Variants in TMEM217B observed in about 807,000 individuals in gnomAD.
The protein encoded by TMEM217B is transmembrane protein 217B.
At chr6:37,218,866 G>A in the TMEM217B span, 4 of 1,614,180 alleles carry the variant, frequency 2.5e-6, no homozygotes, top group South Asian at 4.4e-5. Context: ...AGTTATTTAT[G>A]ATGTTACTTG....
the TMEM217B span, chr6:37,212,681 C>T: frequency 6.0e-5 from 36 of 603,550 alleles, no homozygotes; most frequent in East Asian, 6.4e-4. Context: ...TTGATGAGCT[C>T]GTAAGTGATG....
chr6:37,222,675 C>T, the TMEM217B span, among the ~76,000 whole-genome samples: 19 of 152,180 alleles, frequency 1.2e-4, no homozygotes, highest in African/African-American at 4.6e-4. Context: ...AGGGAGGCTT[C>T]GATGCACAGC....
At chr6:37,254,556 C>G in the TMEM217B span, among the ~76,000 whole-genome samples, 1 of 152,214 alleles carries the variant, frequency 6.6e-6, no homozygotes, top group South Asian at 2.1e-4. Context: ...GATGTAGAGT[C>G]ATTGGTAAAG....
chr6:37,214,964 T>C, the TMEM217B span, among the ~76,000 whole-genome samples: 2 of 152,226 alleles, frequency 1.3e-5, no homozygotes, highest in African/African-American at 4.8e-5. Flanking sequence ...GGTACTCACC[T>C]GAATTGTCTA....
chr6:37,248,821 C>T, the TMEM217B span, among the ~76,000 whole-genome samples: 46 of 152,304 alleles, frequency 3.0e-4, no homozygotes, highest in African/African-American at 1.0e-3. Flanking sequence ...TTCTCTGCAA[C>T]AAATAACAAC....
the TMEM217B span, among the ~76,000 whole-genome samples, chr6:37,250,215 G>A: frequency 1.3e-5 from 2 of 151,942 alleles, no homozygotes; most frequent in Non-Finnish European, 1.5e-5. Flanking sequence ...TAAAAACAAG[G>A]GAATTATTAA....
the TMEM217B span, among the ~76,000 whole-genome samples, chr6:37,253,254 T>C: frequency 6.6e-6 from 1 of 152,214 alleles, no homozygotes; most frequent in Non-Finnish European, 1.5e-5. Flanking sequence ...CATGTTTAAA[T>C]CTTCATATTC....
At chr6:37,253,640 C>T in the TMEM217B span, among the ~76,000 whole-genome samples, 3 of 152,274 alleles carry the variant, frequency 2.0e-5, no homozygotes, top group Admixed American at 2.0e-4. Flanking sequence ...GCTTCTTGCT[C>T]TCATTTCTTA....
the TMEM217B span, among the ~76,000 whole-genome samples, chr6:37,230,490 A>G: frequency 1.3e-5 from 2 of 152,192 alleles, no homozygotes; most frequent in Non-Finnish European, 2.9e-5. Context: ...AATTAAGTTA[A>G]AATTAGGTCA....
At chr6:37,218,072 A>G in the TMEM217B span, 1 of 1,005,968 alleles carries the variant, frequency 9.9e-7, no homozygotes, top group Non-Finnish European at 1.2e-6. Flanking sequence ...GGGGGGAAAA[A>G]AGGAAATAGA....
chr6:37,237,518 TA>T, the TMEM217B span, among the ~76,000 whole-genome samples: 1 of 152,160 alleles, frequency 6.6e-6, no homozygotes, highest in Non-Finnish European at 1.5e-5. Flanking sequence ...ATGCAGACAT[TA>T]AAAAGGATAT....
At chr6:37,213,811 T>A in the TMEM217B span, among the ~76,000 whole-genome samples, 1 of 152,224 alleles carries the variant, frequency 6.6e-6, no homozygotes, top group South Asian at 2.1e-4. Flanking sequence ...ATCTTCTTCT[T>A]ACTGGCTCCC....
At chr6:37,229,161 T>G in the TMEM217B span, among the ~76,000 whole-genome samples, 1 of 151,896 alleles carries the variant, frequency 6.6e-6, no homozygotes, top group African/African-American at 2.4e-5. Context: ...GGGAGGTGTA[T>G]TTGTATTATT....
At chr6:37,215,405 T>C in the TMEM217B span, 3 of 1,209,590 alleles carry the variant, frequency 2.5e-6, no homozygotes, top group African/African-American at 1.6e-5. Context: ...TGAAACCCCA[T>C]CTCTACTAAA....
At chr6:37,236,957 T>C in the TMEM217B span, among the ~76,000 whole-genome samples, 1 of 152,220 alleles carries the variant, frequency 6.6e-6, no homozygotes, top group Non-Finnish European at 1.5e-5. Flanking sequence ...CCATGGTCTC[T>C]CTGTGTGGGC....
the TMEM217B span, among the ~76,000 whole-genome samples, chr6:37,214,965 G>GAATTGTCT: frequency 1.3e-5 from 2 of 152,134 alleles, no homozygotes; most frequent in African/African-American, 4.8e-5. Flanking sequence ...GTACTCACCT[G>GAATTGTCT]AATTGTCTAA....
the TMEM217B span, among the ~76,000 whole-genome samples, chr6:37,241,153 T>C: frequency 1.3e-5 from 2 of 150,318 alleles, no homozygotes; most frequent in African/African-American, 2.5e-5. Flanking sequence ...GGCTGGAGTG[T>C]AGTGGCACAA....
the TMEM217B span, among the ~76,000 whole-genome samples, chr6:37,226,366 C>A: frequency 1.5e-5 from 2 of 135,226 alleles, no homozygotes; most frequent in Non-Finnish European, 3.1e-5. Flanking sequence ...TATCTTGGCT[C>A]ACTGCAAGCT....
the TMEM217B span, among the ~76,000 whole-genome samples, chr6:37,253,224 T>A: frequency 5.3e-5 from 8 of 152,334 alleles, no homozygotes; most frequent in African/African-American, 1.9e-4. Context: ...CTGCACACCA[T>A]AATTTACATA....
Sources: gnomAD v4.1 joint callset for allele counts (sites outside exome capture counted in the v4.1 genomes callset) on GRCh38, gnomAD v4.1.1 for gene constraint, MANE v1.5 for transcripts, NCBI Gene and HGNC (gene_info 2026-07-23, HGNC 2026-07-21) for gene names.